Variants in IMMP2L observed in about 807,000 individuals in gnomAD.
The protein encoded by IMMP2L is mitochondrial inner membrane protease subunit 2.
Under a neutral mutation model 19.3 loss-of-function variants are expected in IMMP2L, and 18 were observed. That is an observed-to-expected ratio of 0.93 (90% CI 0.64 to 1.38). The LOEUF is 1.38. IMMP2L is among the 40% of genes most tolerant of loss of function. The probability of loss-of-function intolerance (pLI) is 0.00; values close to 1 mark genes in which losing one functional copy is unlikely to be tolerated. For missense variants in IMMP2L, 233 were observed against 218.2 expected, an observed-to-expected ratio of 1.07 and a Z score of -0.43; for synonymous variants, 76 against 73.0, an observed-to-expected ratio of 1.04 and a Z score of -0.21.
At chr7:110,809,471 C>G (rs758206755) in intron 5 of IMMP2L, among the ~76,000 whole-genome samples, 7 of 151,722 alleles carry the variant, frequency 4.6e-5, no homozygotes, top group Admixed American at 1.3e-4. Context: ...CTTGCTTTAA[C>G]TTTTTTTGGT....
At chr7:111,453,758 G>A (rs1013506176) in intron 3 of IMMP2L, among the ~76,000 whole-genome samples, 3 of 151,988 alleles carry the variant, frequency 2.0e-5, no homozygotes, top group Non-Finnish European at 2.9e-5. Context: ...ACTCTAACAC[G>A]GCAAAACTCA....
At chr7:111,292,638 A>C (rs1267641624) in intron 3 of IMMP2L, among the ~76,000 whole-genome samples, 1 of 152,036 alleles carries the variant, frequency 6.6e-6, no homozygotes, top group African/African-American at 2.4e-5. Flanking sequence ...TCTAGAGAGT[A>C]TTATTCAGAA....
At chr7:110,972,356 T>C (rs1248521391) in intron 3 of IMMP2L, among the ~76,000 whole-genome samples, 1 of 152,098 alleles carries the variant, frequency 6.6e-6, no homozygotes, top group Non-Finnish European at 1.5e-5. Context: ...ACTTGTACTA[T>C]GATAGTTTGT....
At chr7:111,187,442 A>G (rs2129612251) in intron 3 of IMMP2L, among the ~76,000 whole-genome samples, 1 of 152,276 alleles carries the variant, frequency 6.6e-6, no homozygotes, top group East Asian at 1.9e-4. Flanking sequence ...TTTAAAATAT[A>G]TAGCTAAAAG....
chr7:111,176,421 T>C (rs11981564), intron 3 of IMMP2L, among the ~76,000 whole-genome samples: 114,364 of 151,570 alleles, frequency 0.75, 45,724 homozygotes, highest in East Asian at 0.9. Flanking sequence ...ATATACACAA[T>C]GGAGTACTAT....
intron 4 of IMMP2L, among the ~76,000 whole-genome samples, chr7:110,891,994 A>T (rs1215832725): frequency 2.6e-5 from 4 of 152,146 alleles, no homozygotes; most frequent in African/African-American, 9.7e-5. Context: ...TGAATGAATA[A>T]ATGTGCTGGG....
chr7:111,371,870 CTG>C (rs1830287978), intron 3 of IMMP2L, among the ~76,000 whole-genome samples: 1 of 152,042 alleles, frequency 6.6e-6, no homozygotes, highest in Admixed American at 6.6e-5. Context: ...TGTGAAAACA[CTG>C]TTTTTAAAGC....
intron 3 of IMMP2L, among the ~76,000 whole-genome samples, chr7:111,109,189 C>T (rs1184261626): frequency 9.2e-5 from 14 of 152,046 alleles, no homozygotes; most frequent in Admixed American, 8.5e-4. Context: ...ATGTGTAAAA[C>T]ATTTTCAGTA....
In IMMP2L at chr7:110,886,686, T is replaced by A; in HGVS notation, c.315A>T (p.Gly105=). ...ALEGDIVRTI[G]HKNRYVKVPR... ...GGACTTTGACATACCGGTTTTTGTG[T>A]CCTATGGTTCTGGAAATAAACAGTG... Residue 105 remains glycine, a synonymous_variant, in exon 5 of 6, where the codon GGA becomes GGT. Coordinates refer to ENST00000405709, the MANE Select transcript of IMMP2L (RefSeq NM_032549.4). 6.4e-7 allele frequency: 1 copy of A among 1,569,772 alleles called. No individual in the cohort carries two copies. Among genetic ancestry groups the A allele is most frequent in the Non-Finnish European group, 8.8e-7 (1 of 1,140,028 alleles).
chr7:111,253,198 C>A (rs1313293921), intron 3 of IMMP2L, among the ~76,000 whole-genome samples: 1 of 152,106 alleles, frequency 6.6e-6, no homozygotes, highest in Non-Finnish European at 1.5e-5. Flanking sequence ...TTAAATATTT[C>A]TCCAAACACA....
At chr7:111,501,112 G>A (rs1323483899) in intron 2 of IMMP2L, among the ~76,000 whole-genome samples, 3 of 152,122 alleles carry the variant, frequency 2.0e-5, no homozygotes, top group African/African-American at 4.8e-5. Context: ...AATAACCAAT[G>A]CAGAGAAGTC....
At chr7:111,428,366 TAATA>T (rs1836291156) in intron 3 of IMMP2L, among the ~76,000 whole-genome samples, 1 of 151,620 alleles carries the variant, frequency 6.6e-6, no homozygotes, top group Non-Finnish European at 1.5e-5. Flanking sequence ...TTTTTTAAAG[TAATA>T]AGGACTGGAA....
Position 110,743,918 on chromosome 7 carries a change from C to T in IMMP2L, c.409-80197G>A, listed in dbSNP as rs541009576. Among the ~76,000 whole-genome samples, 6 of 152,190 alleles carry T rather than the reference C, an allele frequency of 3.9e-5. No homozygotes were observed. The East Asian group carries it at 1.2e-3, about 29-fold the overall frequency. ...AACACCAGTGAAACAGAACCGTTCACTCCCCCTGCAAAGGGGGCTGAAGCC... is the reference window on the plus strand; with the variant it reads ...AACACCAGTGAAACAGAACCGTTCATTCCCCCTGCAAAGGGGGCTGAAGCC... On this transcript the variant is annotated intron_variant, in intron 5 of 5. Transcript: ENST00000405709.
intron 5 of IMMP2L, among the ~76,000 whole-genome samples, chr7:110,669,205 C>A (rs1226232926): frequency 6.6e-6 from 1 of 151,950 alleles, no homozygotes; most frequent in Non-Finnish European, 1.5e-5. Flanking sequence ...GGGAGGTCAG[C>A]CGACTGGAGA....
At chr7:111,055,740 A>C (rs1446430412) in intron 3 of IMMP2L, among the ~76,000 whole-genome samples, 2 of 152,226 alleles carry the variant, frequency 1.3e-5, no homozygotes, top group Admixed American at 6.5e-5. Flanking sequence ...TAATGGGTAG[A>C]GGGATGAGGA....
chr7:110,744,331 T>C (rs1440887422), intron 5 of IMMP2L, among the ~76,000 whole-genome samples: 1 of 152,226 alleles, frequency 6.6e-6, no homozygotes, highest in Non-Finnish European at 1.5e-5. Context: ...TTCAGCAGAC[T>C]TAAACGTCCC....
At chr7:110,867,348 A>G (rs1367268575) in intron 5 of IMMP2L, among the ~76,000 whole-genome samples, 1 of 151,822 alleles carries the variant, frequency 6.6e-6, no homozygotes, top group Non-Finnish European at 1.5e-5. Flanking sequence ...TTACCCCGCA[A>G]AGTTCTCATT....
intron 3 of IMMP2L, among the ~76,000 whole-genome samples, chr7:111,288,547 G>T (rs1239564443): frequency 1.3e-5 from 2 of 152,096 alleles, no homozygotes; most frequent in African/African-American, 4.8e-5. Context: ...CTAATATCCA[G>T]AATCTACAAA....
intron 5 of IMMP2L, among the ~76,000 whole-genome samples, chr7:110,666,002 T>C (rs1466811424): frequency 6.6e-6 from 1 of 152,212 alleles, no homozygotes; most frequent in Non-Finnish European, 1.5e-5. Context: ...AAAAAGTGCT[T>C]TCCCTTTCAC....
Sources: allele counts gnomAD v4.1 joint callset (sites outside exome capture counted in the v4.1 genomes callset), GRCh38; gene constraint gnomAD v4.1.1; transcripts MANE v1.5; gene names NCBI Gene and HGNC (gene_info 2026-07-23, HGNC 2026-07-21).